Variants in CLHC1 observed in about 807,000 individuals in gnomAD.
CLHC1 encodes clathrin heavy chain linker domain-containing protein 1.
Under a neutral mutation model 69.5 loss-of-function variants are expected in CLHC1, and 72 were observed. The observed-to-expected ratio is 1.04, with a 90% CI of 0.86 to 1.26. CLHC1 has a LOEUF of 1.26. Among genes scored for constraint, CLHC1 ranks in the 50% most tolerant of loss-of-function variants. CLHC1 has a pLI of 0.00. For synonymous variants in CLHC1, 223 were observed against 224.3 expected, an observed-to-expected ratio of 0.99 and a Z score of 0.05; for missense variants, 790 against 679.3, an observed-to-expected ratio of 1.16 and a Z score of -1.81.
chr2:55,227,014 C>A (rs1324776733), intron 2 of CLHC1, among the ~76,000 whole-genome samples: 1 of 152,162 alleles, frequency 6.6e-6, no homozygotes, highest in Non-Finnish European at 1.5e-5. Context: ...ATAACTGATA[C>A]CTGATTATGT....
chr2:55,220,333 C>T (rs956166464), intron 3 of CLHC1, among the ~76,000 whole-genome samples: 10 of 152,134 alleles, frequency 6.6e-5, no homozygotes, highest in African/African-American at 2.4e-4. Context: ...ATTAATAGTT[C>T]ATTAACAATC....
intron 1 of CLHC1, among the ~76,000 whole-genome samples, chr2:55,231,151 G>A (rs1055582701): frequency 1.3e-5 from 2 of 151,966 alleles, no homozygotes; most frequent in Non-Finnish European, 2.9e-5. Flanking sequence ...TCGGGAGGCT[G>A]AGGCAGAAGA....
Position 55,181,695 on chromosome 2 carries a change from CT to C in CLHC1, c.1055del (p.Glu352GlyfsTer18). 6.2e-7 allele frequency: 1 copy of C among 1,613,570 alleles called. No individual in the cohort carries two copies. The highest frequency in any genetic ancestry group is 1.1e-5 in the South Asian group (1 of 91,020). On this transcript the variant is annotated frameshift_variant, in exon 10 of 13. Transcript: ENST00000401408. LOFTEE classifies it high-confidence loss of function. ...GKPLPLLLFF[E>X]ALFITSHAFP... is the part of the protein sequence containing the mutation. Reference sequence around the variant, plus strand: ...AAGCATGACTTGTGATAAAGAGGGCCTCAAAAAATAAGAGTAATGGAAGAGG... The same window carrying C: ...AAGCATGACTTGTGATAAAGAGGGCCCAAAAAATAAGAGTAATGGAAGAGG...
chr2:55,195,433 A>G (rs1481248178), intron 9 of CLHC1, among the ~76,000 whole-genome samples: 2 of 152,240 alleles, frequency 1.3e-5, no homozygotes, highest in African/African-American at 2.4e-5. Context: ...TATTGTTAAA[A>G]TATCCAGGAA....
chr2:55,228,811 C>G (rs1674964970), intron 1 of CLHC1, among the ~76,000 whole-genome samples: 1 of 152,108 alleles, frequency 6.6e-6, no homozygotes, highest in African/African-American at 2.4e-5. Flanking sequence ...AACAAAGTCC[C>G]TAATCTCACA....
chr2:55,188,078 C>T (rs2103751551), intron 9 of CLHC1, among the ~76,000 whole-genome samples: 1 of 152,176 alleles, frequency 6.6e-6, no homozygotes. Flanking sequence ...TTTTGGGAGG[C>T]CAAGGTGGGA....
chr2:55,207,881 T>C, intron 8 of CLHC1, among the ~76,000 whole-genome samples: 1 of 152,250 alleles, frequency 6.6e-6, no homozygotes, highest in South Asian at 2.1e-4. Context: ...TGTTATTGTC[T>C]GTATTTTTAT....
At position 55,198,932 on chromosome 2, in the gene CLHC1, G is replaced by A. The variant is rs372361723; in HGVS notation, c.1006+7338C>T. 6.6e-4 allele frequency among the ~76,000 whole-genome samples: 100 copies of A among 152,136 alleles called. 1 individual carries two copies. The highest frequency in any genetic ancestry group is 2.0e-3 in the African/African-American group (81 of 41,508). ...CTGGCAAAAAATATCCTTCAAACACGAAGGAGAAATAAAGACTCTCCCAGA... is the reference window on the plus strand; with the variant it reads ...CTGGCAAAAAATATCCTTCAAACACAAAGGAGAAATAAAGACTCTCCCAGA... On this transcript the variant is annotated intron_variant, in intron 9 of 12. Transcript: ENST00000401408.
chr2:55,196,626 A>C (rs1313338649), intron 9 of CLHC1, among the ~76,000 whole-genome samples: 1 of 152,182 alleles, frequency 6.6e-6, no homozygotes, highest in Non-Finnish European at 1.5e-5. Context: ...GGAAGGACCC[A>C]ATCCTGGCAG....
At chr2:55,230,692 A>C (rs922391292) in intron 1 of CLHC1, among the ~76,000 whole-genome samples, 4 of 152,108 alleles carry the variant, frequency 2.6e-5, no homozygotes, top group African/African-American at 9.7e-5. Context: ...TGAGAGGTGA[A>C]GTCTTTGAAA....
chr2:55,224,962 C>T (rs759669068), intron 2 of CLHC1: 25 of 162,864 alleles, frequency 1.5e-4, no homozygotes, highest in Middle Eastern at 2.5e-3. Context: ...TGGACCACTG[C>T]GAGCAGCACT....
intron 3 of CLHC1, among the ~76,000 whole-genome samples, chr2:55,221,136 G>T (rs958621356): frequency 2.0e-5 from 3 of 152,130 alleles, no homozygotes; most frequent in African/African-American, 7.2e-5. Flanking sequence ...AAAATTAAAA[G>T]ACTGAGTTTC....
intron 3 of CLHC1, 39 bp downstream of exon 3, chr2:55,222,196 C>T (rs770868286): frequency 7.0e-7 from 1 of 1,425,462 alleles, no homozygotes; most frequent in East Asian, 2.3e-5. Context: ...TCATTGCTAT[C>T]CTCATGAAAA....
At chr2:55,203,473 A>G (rs900457427) in intron 9 of CLHC1, among the ~76,000 whole-genome samples, 2 of 152,198 alleles carry the variant, frequency 1.3e-5, no homozygotes, top group African/African-American at 2.4e-5. Flanking sequence ...GCACAGTCCA[A>G]TGGAACAGAA....
intron 9 of CLHC1, among the ~76,000 whole-genome samples, chr2:55,191,178 C>A (rs1670891790): frequency 6.6e-6 from 1 of 152,100 alleles, no homozygotes; most frequent in African/African-American, 2.4e-5. Context: ...AATTTGTCAC[C>A]AGCAGATCTG....
intron 9 of CLHC1, among the ~76,000 whole-genome samples, chr2:55,183,762 T>C (rs911062324): frequency 5.3e-5 from 8 of 152,158 alleles, no homozygotes; most frequent in Admixed American, 2.6e-4. Context: ...GTGGGTATCA[T>C]TAACATTCCT....
rs570582183 is a variant in CLHC1, at chr2:55,208,727, T to C, written c.815-17A>G. 112 of 1,528,832 alleles carry C rather than the reference T, an allele frequency of 7.3e-5. No individual in the cohort carries two copies. In the East Asian group the frequency reaches 2.2e-3, roughly 30 times the overall value. 94.7% of individuals were successfully genotyped at this position (1,528,832 alleles called of 1,614,324 possible). ...CTTGGTCACCTGTAAATATTGAAAG[T>C]ACTACTGGAAGATATTTAAGGTTAC... On this transcript the variant is annotated splice_polypyrimidine_tract_variant and intron_variant, in intron 7 of 12. Coordinates refer to ENST00000401408, the MANE Select transcript of CLHC1 (RefSeq NM_152385.4).
chr2:55,180,735 A>G, intron 10 of CLHC1, 23 bp from the exon 11 acceptor site: 2 of 1,601,114 alleles, frequency 1.2e-6, no homozygotes, highest in South Asian at 2.2e-5. Flanking sequence ...GATCAATAAG[A>G]CATATGTTAG....
chr2:55,216,888 C>T (rs1179003751), intron 4 of CLHC1, among the ~76,000 whole-genome samples: 4 of 152,152 alleles, frequency 2.6e-5, no homozygotes, highest in Admixed American at 6.5e-5. Flanking sequence ...TGGCTCATGC[C>T]TGTAATCCCA....
Sources: allele counts gnomAD v4.1 joint callset (sites outside exome capture counted in the v4.1 genomes callset), GRCh38; gene constraint gnomAD v4.1.1; transcripts MANE v1.5; gene names NCBI Gene and HGNC (gene_info 2026-07-23, HGNC 2026-07-21).